CDH8: variants seen among roughly 807,000 people sequenced by gnomAD.
The protein encoded by CDH8 is cadherin-8.
CDH8 carries 17 observed loss-of-function variants against 68.1 expected under a neutral mutation model. The observed-to-expected ratio is 0.25, with a 90% CI of 0.17 to 0.37. The LOEUF is 0.37. Ranked by LOEUF, CDH8 falls within the 10% of genes least tolerant of loss-of-function variation. CDH8 has a pLI of 1.00. For missense variants in CDH8, 763 were observed against 999.3 expected (o/e 0.76, Z 3.19); for synonymous variants, 372 against 365.1 (o/e 1.02, Z -0.21).
intron 2 of CDH8, among the ~76,000 whole-genome samples, chr16:61,973,737 G>T (rs1252033753): frequency 6.6e-6 from 1 of 152,186 alleles, no homozygotes; most frequent in Non-Finnish European, 1.5e-5. Flanking sequence ...ATGATCTAAA[G>T]AAAAGACCCA....
chr16:61,696,791 A>C (rs1477399510), intron 10 of CDH8, among the ~76,000 whole-genome samples: 1 of 152,200 alleles, frequency 6.6e-6, no homozygotes. Context: ...CCTTTGCAGA[A>C]ACGTGGATGC....
chr16:61,753,347 C>A (rs1330497011), intron 8 of CDH8, among the ~76,000 whole-genome samples: 1 of 151,900 alleles, frequency 6.6e-6, no homozygotes, highest in East Asian at 1.9e-4. Context: ...TCAAGCAATC[C>A]TCTCACCTCA....
intron 10 of CDH8, among the ~76,000 whole-genome samples, chr16:61,658,463 A>C (rs1963494369): frequency 6.6e-6 from 1 of 151,982 alleles, no homozygotes; most frequent in Admixed American, 6.6e-5. Flanking sequence ...CTATACTAAA[A>C]ATTGAGTTTC....
intron 10 of CDH8, among the ~76,000 whole-genome samples, chr16:61,708,753 G>A (rs764922770): frequency 2.6e-5 from 4 of 152,120 alleles, no homozygotes; most frequent in Admixed American, 6.5e-5. Context: ...TTACTGAATC[G>A]GAAGCCTTTT....
At chr16:61,947,083 G>C (rs534117705) in intron 2 of CDH8, among the ~76,000 whole-genome samples, 32 of 152,216 alleles carry the variant, frequency 2.1e-4, no homozygotes, top group Non-Finnish European at 3.4e-4. Flanking sequence ...TGCTTCCTAA[G>C]CCCAAGAATT....
intron 7 of CDH8, among the ~76,000 whole-genome samples, chr16:61,813,581 G>T (rs922172001): frequency 2.6e-5 from 4 of 152,042 alleles, no homozygotes; most frequent in African/African-American, 9.6e-5. Context: ...CCACGGGCAG[G>T]GGGAGAAGCC....
intron 7 of CDH8, among the ~76,000 whole-genome samples, chr16:61,797,493 G>T (rs920583974): frequency 1.3e-5 from 2 of 152,016 alleles, no homozygotes; most frequent in Non-Finnish European, 2.9e-5. Flanking sequence ...GATTTTTCCA[G>T]GAACTAACTC....
intron 9 of CDH8, chr16:61,725,071 T>C (rs1959310332): frequency 2.0e-5 from 3 of 150,856 alleles, no homozygotes. Context: ...ATGTAACTAA[T>C]GAACTCTAAT....
chr16:61,846,491 A>C (rs1265661652), intron 4 of CDH8, among the ~76,000 whole-genome samples: 1 of 152,134 alleles, frequency 6.6e-6, no homozygotes, highest in African/African-American at 2.4e-5. Context: ...AATCTAAATG[A>C]GAGCATCAAG....
chr16:61,921,425 A>C (rs1411842749), intron 2 of CDH8, among the ~76,000 whole-genome samples: 2 of 152,170 alleles, frequency 1.3e-5, no homozygotes, highest in Non-Finnish European at 2.9e-5. Context: ...ATCCAAAATA[A>C]ATACAACTAG....
At chr16:61,956,828 G>A (rs1964996478) in intron 2 of CDH8, among the ~76,000 whole-genome samples, 1 of 152,070 alleles carries the variant, frequency 6.6e-6, no homozygotes, top group African/African-American at 2.4e-5. Context: ...CATGTAGGTG[G>A]TCTAGTTTGT....
At chr16:61,721,007 T>C (rs2142881515) in intron 9 of CDH8, among the ~76,000 whole-genome samples, 1 of 150,092 alleles carries the variant, frequency 6.7e-6, no homozygotes, top group Admixed American at 6.8e-5. Flanking sequence ...ATTCTGAAGA[T>C]TTTAGGGTTT....
chr16:61,780,932 T>C (rs1961034489), intron 8 of CDH8, among the ~76,000 whole-genome samples: 1 of 152,230 alleles, frequency 6.6e-6, no homozygotes, highest in Non-Finnish European at 1.5e-5. Flanking sequence ...CTCTTTTGTA[T>C]TCTCATCCTT....
At chr16:61,727,318 A>T (rs975761301) in intron 8 of CDH8, 103 bp from the exon 9 acceptor site, 11 of 1,194,382 alleles carry the variant, frequency 9.2e-6, no homozygotes, top group Non-Finnish European at 1.3e-5. Context: ...ACTTCCCTTA[A>T]TTAGGATGTT....
At chr16:61,917,206 C>A (rs947301074) in intron 2 of CDH8, among the ~76,000 whole-genome samples, 1 of 140,986 alleles carries the variant, frequency 7.1e-6, no homozygotes, top group African/African-American at 2.7e-5. Flanking sequence ...GAGTTTTAGT[C>A]ATCTATAGGT....
rs1388767938 is a variant in CDH8, at chr16:61,652,674, A to G, written c.*934T>C. 7.6e-6 allele frequency: 9 copies of G among 1,179,430 alleles called. No individual in the cohort carries two copies. The East Asian group carries it at 1.2e-4, about 16-fold the overall frequency. The allele number at this position is 1,179,430 out of a possible 1,614,324, so 73.1% of individuals were successfully genotyped here. On this transcript the variant is annotated 3_prime_UTR_variant, in exon 12 of 12. Transcript: ENST00000577390. ...ACAATCTAAAGGATTATTAATGGATATAATTTAGTTTTTTCCCATATATCC... is the reference window on the plus strand; with the variant it reads ...ACAATCTAAAGGATTATTAATGGATGTAATTTAGTTTTTTCCCATATATCC...
intron 3 of CDH8, among the ~76,000 whole-genome samples, chr16:61,892,394 A>G (rs968352437): frequency 6.6e-5 from 10 of 152,292 alleles, no homozygotes; most frequent in Non-Finnish European, 1.0e-4. Flanking sequence ...AGCATACAAT[A>G]TGTCTAAATC....
chr16:61,921,635 A>C (rs1964369722), intron 2 of CDH8, among the ~76,000 whole-genome samples: 1 of 152,196 alleles, frequency 6.6e-6, no homozygotes, highest in South Asian at 2.1e-4. Flanking sequence ...TAGCTCAGTA[A>C]ACCAGTATTT....
At chr16:61,989,998 A>G (rs1333650585) in intron 2 of CDH8, among the ~76,000 whole-genome samples, 1 of 152,226 alleles carries the variant, frequency 6.6e-6, no homozygotes, top group African/African-American at 2.4e-5. Context: ...ATGGACAAGA[A>G]TAAGTCCAAT....
Sources: allele counts gnomAD v4.1 joint callset (sites outside exome capture counted in the v4.1 genomes callset), GRCh38; gene constraint gnomAD v4.1.1; transcripts MANE v1.5; gene names NCBI Gene and HGNC (gene_info 2026-07-23, HGNC 2026-07-21).